Variants in PLXNA2 observed in about 807,000 individuals in gnomAD.
PLXNA2 encodes the protein plexin-A2.
A neutral mutation model predicts 193.5 loss-of-function variants in PLXNA2; 91 were observed. The observed-to-expected ratio is 0.47, with a 90% CI of 0.40 to 0.56. The LOEUF is 0.56. PLXNA2 is among the 20% of genes least tolerant of loss of function. The pLI, the probability that PLXNA2 is intolerant of heterozygous loss-of-function variation, is 0.00. For synonymous variants in PLXNA2, 997 were observed against 1,027.3 expected (o/e 0.97, Z 0.56); for missense variants, 1,995 against 2,503.2 (o/e 0.80, Z 4.33).
intron 1 of PLXNA2, among the ~76,000 whole-genome samples, chr1:208,234,544 CT>C (rs957331808): frequency 2.4e-4 from 36 of 152,286 alleles, no homozygotes; most frequent in African/African-American, 8.7e-4. Context: ...GCTAATGCTT[CT>C]CCCCAGACAT....
chr1:208,124,644 A>ACTC (rs1449474539), intron 4 of PLXNA2, among the ~76,000 whole-genome samples: 6 of 136,886 alleles, frequency 4.4e-5, no homozygotes, highest in Non-Finnish European at 7.6e-5. Flanking sequence ...ATGTGATTGC[A>ACTC]CTCCAGCCTG....
chr1:208,076,866 T>C (rs571601120), intron 12 of PLXNA2, among the ~76,000 whole-genome samples: 1 of 152,322 alleles, frequency 6.6e-6, no homozygotes, highest in East Asian at 1.9e-4. Flanking sequence ...ATTTTGATAA[T>C]TATACTGTGG....
intron 3 of PLXNA2, among the ~76,000 whole-genome samples, chr1:208,145,444 A>G (rs924080570): frequency 2.6e-5 from 4 of 152,318 alleles, no homozygotes; most frequent in South Asian, 2.1e-4. Flanking sequence ...TGGCTGGAAT[A>G]GTCCGCTGTT....
chr1:208,120,070 G>A (rs1417415395), intron 4 of PLXNA2, among the ~76,000 whole-genome samples: 6 of 152,214 alleles, frequency 3.9e-5, no homozygotes, highest in Non-Finnish European at 8.8e-5. Flanking sequence ...TCTAAGCACA[G>A]GGCTTTGGTG....
chr1:208,209,705 G>T (rs1221799484), intron 3 of PLXNA2, among the ~76,000 whole-genome samples: 1 of 152,160 alleles, frequency 6.6e-6, no homozygotes, highest in Non-Finnish European at 1.5e-5. Context: ...CTTACATCTG[G>T]GTGGGGAGCT....
chr1:208,060,697 G>T lies in PLXNA2; in HGVS notation c.2727C>A (p.Ile909=). The part of the protein sequence containing the change: ...VPCTPLPGEY[I]IAEQIVCEMG... ...CAGGGCGGACTCACTGCTCAGCGAT[G>T]ATGTATTCCCCTGGGAGGGGCGTGC... is the stretch of plus-strand genomic sequence containing the variant. The change falls in exon 13 of 32, where the codon ATC becomes ATA. Residue 909 remains isoleucine, a synonymous_variant. Coordinates refer to ENST00000367033, the MANE Select transcript of PLXNA2 (RefSeq NM_025179.4). 6.2e-7 allele frequency: 1 copy of T among 1,613,622 alleles called. No homozygotes were observed. The highest frequency in any genetic ancestry group is 1.3e-5 in the African/African-American group (1 of 75,022).
chr1:208,136,689 A>G (rs1668311121), intron 4 of PLXNA2, among the ~76,000 whole-genome samples: 1 of 152,230 alleles, frequency 6.6e-6, no homozygotes, highest in African/African-American at 2.4e-5. Context: ...TGGGAGACTC[A>G]GCTCAGTGCT....
intron 3 of PLXNA2, among the ~76,000 whole-genome samples, chr1:208,199,101 A>G (rs1327501755): frequency 6.6e-6 from 1 of 152,210 alleles, no homozygotes. Flanking sequence ...ACTAACGTGT[A>G]AGACTTGAGG....
rs568645852 is a variant in PLXNA2, at chr1:208,236,833, A to AT, written c.-81+6809dup. ...TCTCTTCGGAAATACAAGACTACACATACCCACATCATTCTTGAAGATATA... is the reference window on the plus strand; with the variant it reads ...TCTCTTCGGAAATACAAGACTACACATTACCCACATCATTCTTGAAGATATA... On this transcript the variant is annotated intron_variant, in intron 1 of 31. Coordinates refer to ENST00000367033, the MANE Select transcript of PLXNA2 (RefSeq NM_025179.4). This position sits in a 1 kb window ranked among gnomAD's most constrained non-coding sequence, Gnocchi z 4.4. 1.2e-4 allele frequency among the ~76,000 whole-genome samples: 19 copies of AT among 152,336 alleles called. No homozygotes were observed. The East Asian group carries it at 3.5e-3, about 28-fold the overall frequency.
Position 208,236,094 on chromosome 1 carries a change from C to T in PLXNA2, c.-81+7549G>A, listed in dbSNP as rs1388235031. 6.6e-6 allele frequency among the ~76,000 whole-genome samples: 1 copy of T among 152,176 alleles called. No individual in the cohort carries two copies. The highest frequency in any genetic ancestry group is 1.5e-5 in the Non-Finnish European group (1 of 68,048). On this transcript the variant is annotated intron_variant, in intron 1 of 31. Coordinates refer to ENST00000367033, the MANE Select transcript of PLXNA2 (RefSeq NM_025179.4). This position sits in a 1 kb window ranked among gnomAD's most constrained non-coding sequence, Gnocchi z 4.4. ...CCTGGAAAACACCACTGCCCTAAAA[C>T]GTGGAGTGGAGACCTGGAACGAGAG...
intron 3 of PLXNA2, among the ~76,000 whole-genome samples, chr1:208,179,866 C>T (rs1345114967): frequency 6.6e-6 from 1 of 152,184 alleles, no homozygotes; most frequent in African/African-American, 2.4e-5. Flanking sequence ...ACAGTATCCC[C>T]TGCCACCCCC....
Position 208,096,234 on chromosome 1 carries a change from G to A in PLXNA2, c.1886-109C>T, listed in dbSNP as rs904842007. Reference sequence around the variant, plus strand: ...TGAAGCCACCACAGGGCTCTCTTAGGATGTAGATACTATGTGGAACCTGCC... The same window carrying A: ...TGAAGCCACCACAGGGCTCTCTTAGAATGTAGATACTATGTGGAACCTGCC... On this transcript the variant is annotated intron_variant, in intron 7 of 31. Coordinates refer to ENST00000367033, the MANE Select transcript of PLXNA2 (RefSeq NM_025179.4). The A allele has an allele frequency of 4.9e-6, 4 of 819,166 alleles. No homozygotes were observed. In the African/African-American group the frequency reaches 5.1e-5, roughly 10 times the overall value. The allele number at this position is 819,166 out of a possible 1,614,324, so 50.7% of individuals were successfully genotyped here.
intron 4 of PLXNA2, among the ~76,000 whole-genome samples, chr1:208,121,513 G>C (rs1055234766): frequency 1.3e-5 from 2 of 152,072 alleles, no homozygotes; most frequent in Non-Finnish European, 2.9e-5. Flanking sequence ...TCGTGATAAT[G>C]AGTGAGTTCT....
chr1:208,108,625 G>T (rs773851243), intron 4 of PLXNA2, among the ~76,000 whole-genome samples: 3 of 152,216 alleles, frequency 2.0e-5, no homozygotes, highest in Non-Finnish European at 4.4e-5. Context: ...ACATGATTCT[G>T]ACAGTGGATC....
chr1:208,149,708 G>C (rs947037791), intron 3 of PLXNA2, among the ~76,000 whole-genome samples: 1 of 152,058 alleles, frequency 6.6e-6, no homozygotes, highest in African/African-American at 2.4e-5. Flanking sequence ...TTGGTGCTGC[G>C]AGAGAAGATT....
chr1:208,065,906 CTT>C (rs904172168), intron 12 of PLXNA2, among the ~76,000 whole-genome samples: 1 of 152,206 alleles, frequency 6.6e-6, no homozygotes, highest in Admixed American at 6.5e-5. Context: ...GCCATTTCTT[CTT>C]TCCCTGGCTA....
intron 3 of PLXNA2, among the ~76,000 whole-genome samples, chr1:208,180,298 G>C: frequency 6.6e-6 from 1 of 152,072 alleles, no homozygotes; most frequent in East Asian, 1.9e-4. Flanking sequence ...GCTGTCAGCA[G>C]AAGAAACGCC....
chr1:208,241,343 C>T (rs1055518983), intron 1 of PLXNA2, among the ~76,000 whole-genome samples: 6 of 152,206 alleles, frequency 3.9e-5, no homozygotes, highest in Non-Finnish European at 8.8e-5. Flanking sequence ...TTCCCTGGTG[C>T]TCTGAAGACA....
At chr1:208,186,713 A>ATT (rs1213903948) in intron 3 of PLXNA2, among the ~76,000 whole-genome samples, 8 of 130,886 alleles carry the variant, frequency 6.1e-5, no homozygotes, top group Non-Finnish European at 1.1e-4. Context: ...ATGTTATTTT[A>ATT]TTTTTTTTTT....
Sources: allele counts gnomAD v4.1 joint callset (sites outside exome capture counted in the v4.1 genomes callset), GRCh38; gene constraint gnomAD v4.1.1; non-coding constraint Gnocchi (gnomAD v3.1); transcripts MANE v1.5; gene names NCBI Gene and HGNC (gene_info 2026-07-23, HGNC 2026-07-21).